The following SLIRP variants were observed in gnomAD, a reference collection of about 807,000 sequenced individuals.
SLIRP encodes the protein SRA stem-loop-interacting RNA-binding protein, mitochondrial.
Under a neutral mutation model 13.4 loss-of-function variants are expected in SLIRP, and 12 were observed. The ratio of observed to expected loss-of-function variants is 0.89; its 90% CI spans 0.57 to 1.45. The LOEUF is 1.45. Among genes scored for constraint, SLIRP ranks in the 40% most tolerant of loss-of-function variants. The probability of loss-of-function intolerance (pLI) is 0.00; values close to 1 mark genes in which losing one functional copy is unlikely to be tolerated. For synonymous variants in SLIRP, 55 were observed against 47.1 expected, an observed-to-expected ratio of 1.17 and a Z score of -0.69; for missense variants, 154 against 132.2, an observed-to-expected ratio of 1.17 and a Z score of -0.81.
intron 2 of SLIRP, chr14:77,712,077 A>AT (rs2080444893): frequency 2.0e-5 from 3 of 152,134 alleles, no homozygotes; most frequent in Non-Finnish European, 2.9e-5. Flanking sequence ...TTATTGTTGT[A>AT]TAACAAAATA....
Position 77,715,708 on chromosome 14 carries a change from T to C in SLIRP, c.157-64T>C, listed in dbSNP as rs1472661858. On this transcript the variant is annotated intron_variant, in intron 2 of 3. Transcript: ENST00000557342. Reference sequence around the variant, plus strand: ...GCAGATGAAAAAGTTGGTAGTTTGATTTGGAACTCATGGAAACTTTCTGAA... The same window carrying C: ...GCAGATGAAAAAGTTGGTAGTTTGACTTGGAACTCATGGAAACTTTCTGAA... 9 of 1,358,006 alleles carry C rather than the reference T, an allele frequency of 6.6e-6. No individual in the cohort carries two copies. In the African/African-American group the frequency reaches 1.3e-4, roughly 20 times the overall value. 84.1% of individuals were successfully genotyped at this position (1,358,006 alleles called of 1,614,324 possible).
chr14:77,708,631 T>A, intron 1 of SLIRP, among the ~76,000 whole-genome samples: 1 of 152,246 alleles, frequency 6.6e-6, no homozygotes, highest in African/African-American at 2.4e-5. Context: ...GCATTAATGT[T>A]TTAAAAGCAA....
intron 3 of SLIRP, 53 bp from the exon 4 acceptor site, chr14:77,717,443 G>C: frequency 6.8e-7 from 1 of 1,464,738 alleles, no homozygotes; most frequent in Non-Finnish European, 9.5e-7. Context: ...TTTTCAGTTT[G>C]AATGTTTTTG....
chr14:77,713,504 A>G (rs925500958), intron 2 of SLIRP, among the ~76,000 whole-genome samples: 2 of 152,122 alleles, frequency 1.3e-5, no homozygotes, highest in Non-Finnish European at 2.9e-5. Context: ...GGAATCTGGC[A>G]CTCAAGTTGT....
intron 3 of SLIRP, 147 bp downstream of exon 3, chr14:77,716,026 TG>T (rs781710924): frequency 5.3e-5 from 38 of 713,432 alleles, no homozygotes; most frequent in Non-Finnish European, 8.0e-5. Context: ...TTAAGAATGG[TG>T]GGGTGGAGGC....
intron 1 of SLIRP, 113 bp downstream of exon 1, chr14:77,708,321 C>G (rs561209364): frequency 9.6e-7 from 1 of 1,044,486 alleles, no homozygotes; most frequent in Non-Finnish European, 1.4e-6. Flanking sequence ...GGAGACTGCT[C>G]CTGAGCATGC....
intron 2 of SLIRP, among the ~76,000 whole-genome samples, chr14:77,712,595 C>T (rs899225274): frequency 2.0e-5 from 3 of 152,074 alleles, no homozygotes; most frequent in Admixed American, 6.5e-5. Context: ...CAGGCGCCCG[C>T]CACTACGCCC....
intron 2 of SLIRP, among the ~76,000 whole-genome samples, chr14:77,715,330 T>C (rs1566822694): frequency 2.0e-5 from 3 of 152,300 alleles, no homozygotes; most frequent in African/African-American, 4.8e-5. Flanking sequence ...GCAAGGTTAC[T>C]GACACTTATA....
At chr14:77,709,454 T>G (rs176943) in intron 1 of SLIRP, among the ~76,000 whole-genome samples, 23,412 of 152,214 alleles carry the variant, frequency 0.15, 1,922 homozygotes, top group East Asian at 0.26. Context: ...CCTGTGAAAC[T>G]TTATGGAAAG....
rs2080470313 is a variant in SLIRP, at chr14:77,715,653, ATAAAAT to A, written c.157-114_157-109del. 5 of 823,278 alleles carry A rather than the reference ATAAAAT, an allele frequency of 6.1e-6. 1 individual carries two copies. In the East Asian group the frequency reaches 7.8e-5, roughly 13 times the overall value. The allele number at this position is 823,278 out of a possible 1,614,324, so 51.0% of individuals were successfully genotyped here. On this transcript the variant is annotated intron_variant, in intron 2 of 3. Coordinates refer to ENST00000557342, the MANE Select transcript of SLIRP (RefSeq NM_031210.6). ...GAGCAAGACCCTGCCTAAAAATAAA[ATAAAAT>A]TAAATTAAAAAGTCCGATTTTTGGC...
At position 77,715,971 on chromosome 14, in the gene SLIRP, A is replaced by T. The variant is rs1438341481; in HGVS notation, c.264+92A>T. 10 of 1,011,190 alleles carry T rather than the reference A, an allele frequency of 9.9e-6. No individual in the cohort carries two copies. In the Admixed American group the frequency reaches 2.2e-4, roughly 22 times the overall value. The allele number at this position is 1,011,190 out of a possible 1,614,324, so 62.6% of individuals were successfully genotyped here. ...TTAAATAGATCATAAATGTGGAATG[A>T]TGGGGACTTGGAGAGATTTGTAACT... On this transcript the variant is annotated intron_variant, in intron 3 of 3. Coordinates refer to ENST00000557342, the MANE Select transcript of SLIRP (RefSeq NM_031210.6).
At chr14:77,711,331 T>C (rs2080438995) in intron 2 of SLIRP, among the ~76,000 whole-genome samples, 2 of 151,808 alleles carry the variant, frequency 1.3e-5, no homozygotes, top group Admixed American at 1.3e-4. Context: ...TTAAAGTGTT[T>C]TAAAAAATTC....
At chr14:77,712,275 CTTT>C (rs35035208) in intron 2 of SLIRP, among the ~76,000 whole-genome samples, 4 of 137,384 alleles carry the variant, frequency 2.9e-5, no homozygotes, top group Admixed American at 2.2e-4. Context: ...GGCAAAATTC[CTTT>C]TTTTTTTTTT....
chr14:77,716,882 C>T (rs948134813), intron 3 of SLIRP, among the ~76,000 whole-genome samples: 1 of 152,084 alleles, frequency 6.6e-6, no homozygotes, highest in Non-Finnish European at 1.5e-5. Context: ...CTGCCTCAAC[C>T]TCCCGAGTAG....
intron 2 of SLIRP, among the ~76,000 whole-genome samples, chr14:77,715,372 G>A (rs1014446985): frequency 6.6e-6 from 1 of 152,126 alleles, no homozygotes; most frequent in South Asian, 2.1e-4. Flanking sequence ...GGCTGGGCAT[G>A]GTGGCTTATG....
chr14:77,711,574 G>C (rs1414426736), intron 2 of SLIRP, among the ~76,000 whole-genome samples: 2 of 151,742 alleles, frequency 1.3e-5, no homozygotes, highest in East Asian at 3.9e-4. Context: ...TTTTCTTTAA[G>C]AGACAGGGTC....
At chr14:77,708,841 A>G (rs2080417432) in intron 1 of SLIRP, among the ~76,000 whole-genome samples, 1 of 152,234 alleles carries the variant, frequency 6.6e-6, no homozygotes, top group South Asian at 2.1e-4. Context: ...CAAAGGTTGT[A>G]TATCATTGTG....
At chr14:77,711,235 CTAA>C (rs1438776151) in intron 2 of SLIRP, among the ~76,000 whole-genome samples, 40 of 147,090 alleles carry the variant, frequency 2.7e-4, no homozygotes, top group Admixed American at 2.0e-4. Flanking sequence ...ATATATACAC[CTAA>C]TAATATATAA....
chr14:77,712,955 C>G (rs1189199966), intron 2 of SLIRP, among the ~76,000 whole-genome samples: 1 of 150,838 alleles, frequency 6.6e-6, no homozygotes, highest in Non-Finnish European at 1.5e-5. Context: ...AACATAATCA[C>G]AGGAGTGACA....
Sources: gnomAD v4.1 joint callset for allele counts (sites outside exome capture counted in the v4.1 genomes callset) on GRCh38, gnomAD v4.1.1 for gene constraint, MANE v1.5 for transcripts, NCBI Gene and HGNC (gene_info 2026-07-23, HGNC 2026-07-21) for gene names.